Variants in HHAT observed in about 807,000 individuals in gnomAD.
HHAT encodes the protein hedgehog acyltransferase, also known as protein-cysteine N-palmitoyltransferase HHAT.
A neutral mutation model predicts 70.8 loss-of-function variants in HHAT; 47 were observed. That is an observed-to-expected ratio of 0.66 (90% CI 0.53 to 0.85). The LOEUF (loss-of-function observed/expected upper bound fraction) is 0.85, where lower values mean the gene tolerates loss of function less well. Among genes scored for constraint, HHAT ranks in the 40% least tolerant of loss-of-function variants. The probability of loss-of-function intolerance (pLI) is 0.00; values close to 1 mark genes in which losing one functional copy is unlikely to be tolerated. For synonymous variants in HHAT, 228 were observed against 247.6 expected, an observed-to-expected ratio of 0.92 and a Z score of 0.74; for missense variants, 609 against 604.8, an observed-to-expected ratio of 1.01 and a Z score of -0.07.
At chr1:210,613,757 C>T (rs954458648) in intron 10 of HHAT, among the ~76,000 whole-genome samples, 1 of 152,086 alleles carries the variant, frequency 6.6e-6, no homozygotes, top group Non-Finnish European at 1.5e-5. Flanking sequence ...GTGGCTCATG[C>T]CTATAATTCC....
chr1:210,454,056 T>C (rs1026746230), intron 7 of HHAT, among the ~76,000 whole-genome samples: 1 of 152,144 alleles, frequency 6.6e-6, no homozygotes, highest in East Asian at 1.9e-4. Context: ...CCATCAGATC[T>C]TGTGAGACTT....
Position 210,674,481 on chromosome 1 carries a change from T to G in HHAT, c.*102T>G. On this transcript the variant is annotated 3_prime_UTR_variant, in exon 12 of 12. Coordinates refer to ENST00000261458, the MANE Select transcript of HHAT (RefSeq NM_018194.6). Reference sequence around the variant, plus strand: ...ACAGCCTCTAAGGGATTTGATCTGCTCATCTTCAGTTGAATGCCCTCACTC... The same window carrying G: ...ACAGCCTCTAAGGGATTTGATCTGCGCATCTTCAGTTGAATGCCCTCACTC... 1.2e-6 allele frequency: 1 copy of G among 827,088 alleles called. No homozygotes were observed. The highest frequency in any genetic ancestry group is 1.6e-5 in the South Asian group (1 of 62,592). 51.2% of individuals were successfully genotyped at this position (827,088 alleles called of 1,614,324 possible). A position where few individuals can be genotyped will look rare whatever the true frequency, so the allele number is the denominator to read the frequency against.
At chr1:210,407,879 G>C (rs7527094) in intron 6 of HHAT, among the ~76,000 whole-genome samples, 7 of 151,984 alleles carry the variant, frequency 4.6e-5, no homozygotes, top group South Asian at 4.2e-4. Context: ...GCCTTAGGGT[G>C]GTGGGCCAGG....
chr1:210,464,757 T>A, intron 8 of HHAT, 102 bp downstream of exon 8: 1 of 1,179,944 alleles, frequency 8.5e-7, no homozygotes, highest in Non-Finnish European at 1.2e-6. Context: ...TCCCTGTCTC[T>A]CACTCAAGCT....
intron 10 of HHAT, among the ~76,000 whole-genome samples, chr1:210,622,166 A>G (rs1466507108): frequency 6.6e-6 from 1 of 152,206 alleles, no homozygotes; most frequent in Non-Finnish European, 1.5e-5. Flanking sequence ...CATGAATTGC[A>G]TCGGCTGCTG....
At chr1:210,500,322 G>A (rs958016850) in intron 8 of HHAT, among the ~76,000 whole-genome samples, 3 of 152,240 alleles carry the variant, frequency 2.0e-5, no homozygotes, top group Non-Finnish European at 4.4e-5. Flanking sequence ...TATACATGCA[G>A]GAAGATGCTC....
rs541289254 is a variant in HHAT, at chr1:210,634,586, TCA to T, written c.1390+10917_1390+10918del. Among the ~76,000 whole-genome samples, 705 of 152,366 alleles carry T rather than the reference TCA, an allele frequency of 4.6e-3. 11 individuals are homozygous for T. Among genetic ancestry groups the T allele is most frequent in the African/African-American group, 0.014 (579 of 41,590 alleles). ...TCTGTCTGTGGAGCTGCGCTTTTTC[TCA>T]GACAGTCATTGGGTTTCTTTTTAAT... is the stretch of plus-strand genomic sequence containing the variant. On this transcript the variant is annotated intron_variant, in intron 11 of 11. Coordinates refer to ENST00000261458, the MANE Select transcript of HHAT (RefSeq NM_018194.6).
intron 9 of HHAT, among the ~76,000 whole-genome samples, chr1:210,555,634 A>G (rs1400765500): frequency 1.3e-5 from 2 of 152,250 alleles, no homozygotes; most frequent in Non-Finnish European, 2.9e-5. Context: ...AGCCTTTGAC[A>G]CACTGTCCCT....
chr1:210,439,476 C>G (rs907600283), intron 7 of HHAT: 2 of 151,792 alleles, frequency 1.3e-5, no homozygotes, highest in African/African-American at 4.9e-5. Flanking sequence ...TCCTGACTTG[C>G]TGGTAAGTGT....
intron 9 of HHAT, among the ~76,000 whole-genome samples, chr1:210,560,814 TAAAAAA>T (rs60192211): frequency 0.058 from 1,651 of 28,534 alleles, 81 homozygotes; most frequent in African/African-American, 0.12. Flanking sequence ...CCCTGTGTCT[TAAAAAA>T]AAAAAAAAAA....
intron 9 of HHAT, among the ~76,000 whole-genome samples, chr1:210,544,258 A>G (rs563915327): frequency 5.1e-4 from 78 of 151,768 alleles, no homozygotes; most frequent in Non-Finnish European, 1.0e-3. Flanking sequence ...ACTTTTGACT[A>G]TATGGATTCC....
At chr1:210,519,527 C>CTTTTTTT (rs35244381) in intron 9 of HHAT, among the ~76,000 whole-genome samples, 4 of 127,472 alleles carry the variant, frequency 3.1e-5, no homozygotes, top group Non-Finnish European at 3.3e-5. Flanking sequence ...ATTTTCTTTG[C>CTTTTTTT]TTTTTTTTTT....
intron 11 of HHAT, among the ~76,000 whole-genome samples, chr1:210,667,857 ATTT>A (rs1679248611): frequency 1.3e-5 from 2 of 152,172 alleles, no homozygotes; most frequent in Admixed American, 1.3e-4. Flanking sequence ...CATTTTAACC[ATTT>A]TTAGGTGGCA....
intron 1 of HHAT, among the ~76,000 whole-genome samples, chr1:210,340,984 G>A (rs950022824): frequency 1.3e-5 from 2 of 152,192 alleles, no homozygotes; most frequent in African/African-American, 4.8e-5. Context: ...CTTGTGTTAA[G>A]TGAGGTTATC....
intron 6 of HHAT, among the ~76,000 whole-genome samples, chr1:210,408,976 C>T (rs930754449): frequency 1.3e-5 from 2 of 152,326 alleles, no homozygotes; most frequent in Non-Finnish European, 2.9e-5. Flanking sequence ...ATCCTCCCAC[C>T]TCAGCCTCCT....
chr1:210,561,738 A>G lies in HHAT; in HGVS notation c.1044-26160A>G, dbSNP rs375154020. Among the ~76,000 whole-genome samples the G allele has an allele frequency of 1.2e-4, 19 of 152,386 alleles. No individual in the cohort carries two copies. The East Asian group carries it at 3.7e-3, about 29-fold the overall frequency. On this transcript the variant is annotated intron_variant, in intron 9 of 11. Coordinates refer to ENST00000261458, the MANE Select transcript of HHAT (RefSeq NM_018194.6). Reference sequence around the variant, plus strand: ...GTACACATTGTGAAGTAATTGTCAAAGTAATTAACATATTTGTTGCCTCCA... The same window carrying G: ...GTACACATTGTGAAGTAATTGTCAAGGTAATTAACATATTTGTTGCCTCCA...
chr1:210,659,361 C>T (rs1677150547), intron 11 of HHAT, among the ~76,000 whole-genome samples: 2 of 152,208 alleles, frequency 1.3e-5, no homozygotes, highest in Non-Finnish European at 1.5e-5. Flanking sequence ...GATACATACA[C>T]TCTCCCAAGA....
intron 10 of HHAT, among the ~76,000 whole-genome samples, chr1:210,594,859 C>T (rs1662566821): frequency 6.6e-6 from 1 of 152,068 alleles, no homozygotes; most frequent in Non-Finnish European, 1.5e-5. Flanking sequence ...TTATGTCTTG[C>T]TACCCTCCCC....
intron 9 of HHAT, among the ~76,000 whole-genome samples, chr1:210,548,519 C>T (rs17016404): frequency 0.019 from 2,820 of 152,278 alleles, 78 homozygotes; most frequent in African/African-American, 0.061. Flanking sequence ...CTTAGGGGAG[C>T]TCATGAGGCA....
Sources: allele counts gnomAD v4.1 joint callset (sites outside exome capture counted in the v4.1 genomes callset), GRCh38; gene constraint gnomAD v4.1.1; transcripts MANE v1.5; gene names NCBI Gene and HGNC (gene_info 2026-07-23, HGNC 2026-07-21).